XKR9: variants seen among roughly 807,000 people sequenced by gnomAD.
The protein encoded by XKR9 is XK-related protein 9.
In XKR9, 32 loss-of-function variants were observed where a neutral mutation model predicts 32.0. The ratio of observed to expected loss-of-function variants is 1.00; its 90% confidence interval spans 0.76 to 1.34. The LOEUF is 1.34. Among genes scored for constraint, XKR9 ranks in the 40% most tolerant of loss-of-function variants. The pLI is 0.00. For missense variants in XKR9, 546 were observed against 429.7 expected (o/e 1.27, Z -2.39); for synonymous variants, 168 against 143.4 (o/e 1.17, Z -1.22).
chr8:70,759,049 T>C (rs1807269065), intron 2 of XKR9, among the ~76,000 whole-genome samples: 1 of 152,234 alleles, frequency 6.6e-6, no homozygotes, highest in African/African-American at 2.4e-5. Context: ...CTATTTTAAT[T>C]AAAAGCCTTG....
At chr8:70,874,114 C>T in the XKR9 span, among the ~76,000 whole-genome samples, 1 of 152,124 alleles carries the variant, frequency 6.6e-6, no homozygotes, top group Non-Finnish European at 1.5e-5. Flanking sequence ...AATGCTATTG[C>T]ACACTTAATA....
rs1405501501 is a variant in XKR9, at chr8:70,710,544, T to G, written c.493+3391T>G. Among the ~76,000 whole-genome samples, 33 of 151,814 alleles carry G rather than the reference T, an allele frequency of 2.2e-4. 1 individual carries two copies. The highest frequency in any genetic ancestry group is 1.2e-4 in the Non-Finnish European group (8 of 67,894). On this transcript the variant is annotated intron_variant, in intron 4 of 4. Transcript: ENST00000408926. ...GGTGAAACCCCATCTCTAGTAAACATAGAGAACAATTAGCTGGGTGTGGTG... is the reference window on the plus strand; with the variant it reads ...GGTGAAACCCCATCTCTAGTAAACAGAGAGAACAATTAGCTGGGTGTGGTG...
chr8:70,837,302 G>A, the XKR9 span, among the ~76,000 whole-genome samples: 1 of 152,076 alleles, frequency 6.6e-6, no homozygotes, highest in East Asian at 1.9e-4. Flanking sequence ...CTCAATGAAT[G>A]TTTGATGACT....
the XKR9 span, among the ~76,000 whole-genome samples, chr8:70,878,421 A>C: frequency 6.6e-6 from 1 of 152,172 alleles, no homozygotes; most frequent in Non-Finnish European, 1.5e-5. Context: ...ACCTACGTGC[A>C]AAGATGCACA....
chr8:70,881,840 C>T, the XKR9 span, among the ~76,000 whole-genome samples: 1 of 152,172 alleles, frequency 6.6e-6, no homozygotes, highest in East Asian at 1.9e-4. Context: ...GCACTATTCA[C>T]AATAGCAAAG....
downstream of XKR9, among the ~76,000 whole-genome samples, chr8:70,792,209 T>C (rs539223040): frequency 7.2e-5 from 11 of 152,230 alleles, no homozygotes; most frequent in South Asian, 2.3e-3. Context: ...ATAGACTCTT[T>C]TTCTTTTTCT....
the XKR9 span, among the ~76,000 whole-genome samples, chr8:71,020,845 T>C: frequency 3.3e-5 from 5 of 152,214 alleles, no homozygotes; most frequent in African/African-American, 1.2e-4. Context: ...CTATCAAACA[T>C]TAGCATTTAT....
rs568547107 is a variant in XKR9, at chr8:70,781,808, C to T, written n.353-7531C>T. On this transcript the variant is annotated intron_variant and non_coding_transcript_variant, in intron 2 of 3. Transcript: ENST00000520273. The stretch of plus-strand genomic sequence containing the variant: ...TTGATAGACATTTAGAACAAGCTTT[C>T]TCAAAAAGTGTGTTCTGAAAAAATA... Among the ~76,000 whole-genome samples the T allele has an allele frequency of 4.6e-5, 7 of 152,152 alleles. No homozygotes were observed. In the South Asian group the frequency reaches 1.5e-3, roughly 32 times the overall value.
the XKR9 span, among the ~76,000 whole-genome samples, chr8:70,857,370 C>T: frequency 6.6e-6 from 1 of 152,144 alleles, no homozygotes; most frequent in African/African-American, 2.4e-5. Context: ...ACTAGAAAAT[C>T]TAGAAGAAAT....
the XKR9 span, among the ~76,000 whole-genome samples, chr8:71,023,995 A>G: frequency 6.6e-6 from 1 of 152,074 alleles, no homozygotes; most frequent in African/African-American, 2.4e-5. Context: ...CTTGGTAACC[A>G]ATAGAGTGCC....
chr8:70,811,051 C>T, the XKR9 span, among the ~76,000 whole-genome samples: 1 of 152,168 alleles, frequency 6.6e-6, no homozygotes, highest in African/African-American at 2.4e-5. Flanking sequence ...TAAAGCACTC[C>T]TCACCAAATG....
intron 4 of XKR9, among the ~76,000 whole-genome samples, chr8:70,708,494 A>G (rs1451694846): frequency 6.6e-6 from 1 of 152,144 alleles, no homozygotes; most frequent in Non-Finnish European, 1.5e-5. Flanking sequence ...GGTTGTTAGT[A>G]TGGAACATTA....
At chr8:70,741,724 C>T (rs956920288) in intron 2 of XKR9, among the ~76,000 whole-genome samples, 3 of 152,162 alleles carry the variant, frequency 2.0e-5, no homozygotes, top group Non-Finnish European at 2.9e-5. Flanking sequence ...CATGGGTTTA[C>T]AAATACTTCT....
the XKR9 span, among the ~76,000 whole-genome samples, chr8:70,973,935 T>C: frequency 7.9e-5 from 12 of 152,344 alleles, no homozygotes; most frequent in East Asian, 1.9e-3. Context: ...ATGTATATGC[T>C]GCAGTTGTTG....
intron 2 of XKR9, among the ~76,000 whole-genome samples, chr8:70,770,882 T>G (rs1343911703): frequency 2.0e-5 from 3 of 152,198 alleles, no homozygotes; most frequent in Non-Finnish European, 4.4e-5. Flanking sequence ...CAACACCACT[T>G]GGCTCCCTGG....
the XKR9 span, among the ~76,000 whole-genome samples, chr8:71,025,238 C>G: frequency 1.2e-4 from 18 of 152,172 alleles, no homozygotes; most frequent in African/African-American, 4.1e-4. Flanking sequence ...AATGAGTTAG[C>G]TTGACAGGCA....
At chr8:71,056,456 A>G in the XKR9 span, among the ~76,000 whole-genome samples, 3 of 152,224 alleles carry the variant, frequency 2.0e-5, no homozygotes, top group African/African-American at 7.2e-5. Flanking sequence ...TCAAGTATTT[A>G]TAGTTTGAAA....
the XKR9 span, among the ~76,000 whole-genome samples, chr8:70,947,243 C>T: frequency 8.5e-3 from 1,293 of 152,214 alleles, 23 homozygotes; most frequent in African/African-American, 0.03. Flanking sequence ...TGCTAATAAG[C>T]GATGATTTTA....
chr8:70,892,592 G>A, the XKR9 span, among the ~76,000 whole-genome samples: 1 of 152,062 alleles, frequency 6.6e-6, no homozygotes, highest in Non-Finnish European at 1.5e-5. Flanking sequence ...CATTTTTGAA[G>A]GATAGCCTTG....
Sources: gnomAD v4.1 joint callset for allele counts (sites outside exome capture counted in the v4.1 genomes callset) on GRCh38, gnomAD v4.1.1 for gene constraint, MANE v1.5 for transcripts, NCBI Gene and HGNC (gene_info 2026-07-23, HGNC 2026-07-21) for gene names.